The following CSMD1 variants were observed in gnomAD, a reference collection of about 807,000 sequenced individuals.
The protein encoded by CSMD1 is CUB and Sushi multiple domains 1.
A neutral mutation model predicts 417.5 loss-of-function variants in CSMD1; 213 were observed. The ratio of observed to expected loss-of-function variants is 0.51; its 90% confidence interval spans 0.46 to 0.57. CSMD1 has a LOEUF of 0.57. CSMD1 is among the 20% of genes least tolerant of loss of function. The pLI is 0.00. For synonymous variants in CSMD1, 2,862 were observed against 1,736.8 expected (o/e 1.65, Z -16.11); for missense variants, 6,923 against 4,529.7 (o/e 1.53, Z -15.17).
At position 3,772,370 on chromosome 8, in the gene CSMD1, TACATATATTCATATATTTATATATAC is replaced by T. The variant is rs1341820977; in HGVS notation, c.819-18354_819-18329del. ...ATACATATATTTATATATACATATA[TACATATATTCATATATTTATATATAC>T]ACATATATACATATATTTATATATA... On this transcript the variant is annotated intron_variant, in intron 5 of 69. Transcript: ENST00000635120. Among the ~76,000 whole-genome samples the T allele has an allele frequency of 1.9e-4, 26 of 140,308 alleles. 4 individuals are homozygous for T. The highest frequency in any genetic ancestry group is 3.8e-3 in the Middle Eastern group (1 of 262). 92.0% of individuals were successfully genotyped at this position (140,308 alleles called of 152,430 possible).
intron 54 of CSMD1, among the ~76,000 whole-genome samples, chr8:2,989,984 G>A (rs1227928126): frequency 6.6e-6 from 1 of 152,160 alleles, no homozygotes; most frequent in Non-Finnish European, 1.5e-5. Context: ...ATGTGGCATT[G>A]CATGGCCTAG....
At chr8:4,247,897 T>G (rs953997930) in intron 3 of CSMD1, among the ~76,000 whole-genome samples, 2 of 152,168 alleles carry the variant, frequency 1.3e-5, no homozygotes, top group African/African-American at 2.4e-5. Flanking sequence ...GAGGGATAAA[T>G]TTTCACCCAG....
At chr8:4,218,035 G>A (rs1035775908) in intron 3 of CSMD1, among the ~76,000 whole-genome samples, 3 of 152,134 alleles carry the variant, frequency 2.0e-5, no homozygotes, top group Non-Finnish European at 4.4e-5. Context: ...TTTACTGATG[G>A]GTTTCTGGCA....
chr8:3,292,911 C>G (rs199676250), intron 25 of CSMD1, among the ~76,000 whole-genome samples: 3 of 151,872 alleles, frequency 2.0e-5, no homozygotes, highest in African/African-American at 4.8e-5. Flanking sequence ...GATGCAGTTT[C>G]TTCCTAGTCT....
chr8:3,480,545 C>A (rs998569404), intron 11 of CSMD1, among the ~76,000 whole-genome samples: 1 of 152,048 alleles, frequency 6.6e-6, no homozygotes, highest in Non-Finnish European at 1.5e-5. Context: ...TGAAAACTTA[C>A]CAAATTTGGC....
intron 7 of CSMD1, among the ~76,000 whole-genome samples, chr8:3,648,515 G>A (rs1563231994): frequency 6.6e-6 from 1 of 152,140 alleles, no homozygotes; most frequent in South Asian, 2.1e-4. Flanking sequence ...TGGACCTGTT[G>A]AAAAGTTGTT....
chr8:3,207,664 T>G (rs181359469), intron 30 of CSMD1, among the ~76,000 whole-genome samples: 174 of 152,212 alleles, frequency 1.1e-3, no homozygotes, highest in Non-Finnish European at 2.2e-4. Flanking sequence ...TTGAAAAACT[T>G]AAGTTGTATT....
At chr8:3,729,922 T>TAAAAAAAAAAAAAAAACAAAAAAAAAAAA (rs1802728326) in intron 6 of CSMD1, among the ~76,000 whole-genome samples, 1 of 47,062 alleles carries the variant, frequency 2.1e-5, no homozygotes, top group African/African-American at 1.4e-4. Flanking sequence ...CAATTCAAAG[T>TAAAAAAAAAAAAAAAACAAAAAAAAAAAA]AAAAAAAAAA....
chr8:3,420,423 G>GAA (rs76802434), intron 12 of CSMD1, among the ~76,000 whole-genome samples: 3 of 110,896 alleles, frequency 2.7e-5, no homozygotes, highest in South Asian at 3.0e-4. Context: ...AGGACACTAG[G>GAA]AAAAAAAAAA....
intron 1 of CSMD1, among the ~76,000 whole-genome samples, chr8:4,686,565 T>C (rs1806398678): frequency 6.6e-6 from 1 of 152,258 alleles, no homozygotes; most frequent in Admixed American, 6.5e-5. Context: ...TGCTGATTTA[T>C]AAGCATTAGA....
At chr8:4,717,405 A>G (rs538882085) in intron 1 of CSMD1, among the ~76,000 whole-genome samples, 4 of 150,706 alleles carry the variant, frequency 2.7e-5, no homozygotes, top group South Asian at 4.2e-4. Flanking sequence ...ATATATACAT[A>G]TATACACACA....
intron 26 of CSMD1, among the ~76,000 whole-genome samples, chr8:3,270,169 A>G (rs150091730): frequency 0.067 from 9,992 of 149,710 alleles, 452 homozygotes; most frequent in Middle Eastern, 0.093. Flanking sequence ...CCTACCTCAG[A>G]CTCCCAAGTA....
At chr8:4,522,956 G>C (rs1049337680) in intron 2 of CSMD1, among the ~76,000 whole-genome samples, 14 of 152,140 alleles carry the variant, frequency 9.2e-5, no homozygotes, top group African/African-American at 3.4e-4. Context: ...GAAGAACCTG[G>C]AAATGGAAAA....
intron 68 of CSMD1, 50 bp downstream of exon 68, chr8:2,949,249 G>A (rs556809577): frequency 1.3e-4 from 119 of 947,750 alleles, no homozygotes; most frequent in Non-Finnish European, 1.8e-4. Flanking sequence ...AAACATCATT[G>A]GAAAGCCAAA....
At chr8:3,244,084 C>T (rs1799721982) in intron 26 of CSMD1, among the ~76,000 whole-genome samples, 1 of 152,172 alleles carries the variant, frequency 6.6e-6, no homozygotes, top group Non-Finnish European at 1.5e-5. Flanking sequence ...GAAGCAGTCG[C>T]ATCTAGTACA....
chr8:2,987,530 C>T (rs1050355261), intron 54 of CSMD1, among the ~76,000 whole-genome samples: 3 of 151,764 alleles, frequency 2.0e-5, no homozygotes, highest in Non-Finnish European at 4.4e-5. Flanking sequence ...AAAGCTTATT[C>T]ACTACTATTT....
At chr8:4,164,508 C>A (rs906644366) in intron 3 of CSMD1, among the ~76,000 whole-genome samples, 1 of 152,020 alleles carries the variant, frequency 6.6e-6, no homozygotes, top group Non-Finnish European at 1.5e-5. Context: ...CTAATCCTAC[C>A]AATGTCCCCA....
chr8:3,853,500 T>G (rs918902301), intron 5 of CSMD1, among the ~76,000 whole-genome samples: 4 of 152,198 alleles, frequency 2.6e-5, no homozygotes, highest in Admixed American at 2.6e-4. Context: ...CAGACACTTC[T>G]CAAGCATCAA....
chr8:4,454,850 T>C (rs1466206304), intron 2 of CSMD1, among the ~76,000 whole-genome samples: 1 of 152,220 alleles, frequency 6.6e-6, no homozygotes, highest in Non-Finnish European at 1.5e-5. Flanking sequence ...TTTCCACAGT[T>C]TAGTTTTAAA....
Sources: allele counts gnomAD v4.1 joint callset (sites outside exome capture counted in the v4.1 genomes callset), GRCh38; gene constraint gnomAD v4.1.1; transcripts MANE v1.5; gene names NCBI Gene and HGNC (gene_info 2026-07-23, HGNC 2026-07-21).